MANBA: variants seen among roughly 807,000 people sequenced by gnomAD.
MANBA encodes mannosidase beta, also known as beta-mannosidase.
A neutral mutation model predicts 111.1 loss-of-function variants in MANBA; 83 were observed. The observed-to-expected ratio is 0.75, with a 90% CI of 0.63 to 0.90. The LOEUF is 0.90. Ranked by LOEUF, MANBA falls within the 40% of genes least tolerant of loss-of-function variation. The pLI is 0.00. For synonymous variants in MANBA, 370 were observed against 378.7 expected, an observed-to-expected ratio of 0.98 and a Z score of 0.27; for missense variants, 1,036 against 1,069.0, an observed-to-expected ratio of 0.97 and a Z score of 0.43.
intron 7 of MANBA, among the ~76,000 whole-genome samples, chr4:102,686,842 C>A (rs1219653218): frequency 6.6e-6 from 1 of 152,122 alleles, no homozygotes; most frequent in Non-Finnish European, 1.5e-5. Flanking sequence ...CTGTGCCATC[C>A]CTGAGGTATT....
chr4:102,760,687 A>C, intron 1 of MANBA, 31 bp downstream of exon 1: 1 of 1,508,618 alleles, frequency 6.6e-7, no homozygotes, highest in Non-Finnish European at 8.9e-7. Context: ...AGGCGGGCGC[A>C]GGCTCGCCGC....
chr4:102,684,106 G>GT (rs1732102071), intron 7 of MANBA, among the ~76,000 whole-genome samples: 1 of 146,808 alleles, frequency 6.8e-6, no homozygotes, highest in Non-Finnish European at 1.5e-5. Flanking sequence ...GATATACTCA[G>GT]TTAAAAAAAA....
At chr4:102,677,120 C>G (rs1731762399) in intron 7 of MANBA, among the ~76,000 whole-genome samples, 1 of 152,036 alleles carries the variant, frequency 6.6e-6, no homozygotes, top group Admixed American at 6.5e-5. Context: ...GCTGAATTGG[C>G]CTTGTTCACG....
rs528611117 is a variant in MANBA at position 102,692,793 on chromosome 4, C to T, written c.674-2022G>A. 3.4e-4 allele frequency among the ~76,000 whole-genome samples: 52 copies of T among 151,788 alleles called. No individual in the cohort carries two copies. The South Asian group carries it at 0.01, about 30-fold the overall frequency. The stretch of plus-strand genomic sequence containing the variant: ...GGAAGGGGAGGGGGAAGGCTACTAG[C>T]TGAGAAGTATCTTAGAGACCTTTCT... On this transcript the variant is annotated intron_variant, in intron 5 of 16. Transcript: ENST00000647097.
intron 5 of MANBA, among the ~76,000 whole-genome samples, chr4:102,707,174 G>T (rs1201200336): frequency 6.6e-6 from 1 of 152,092 alleles, no homozygotes; most frequent in Non-Finnish European, 1.5e-5. Context: ...TCTAAAATCA[G>T]CAAGAGAAAA....
chr4:102,639,898 A>G (rs1263458200), intron 13 of MANBA, 41 bp from the exon 14 acceptor site: 1 of 1,608,700 alleles, frequency 6.2e-7, no homozygotes, highest in African/African-American at 1.3e-5. Flanking sequence ...TTATTGTTTG[A>G]TGTAGACTGC....
At chr4:102,700,935 ATCTG>A (rs1271362178) in intron 5 of MANBA, among the ~76,000 whole-genome samples, 31 of 152,040 alleles carry the variant, frequency 2.0e-4, no homozygotes, top group African/African-American at 6.3e-4. Flanking sequence ...TGTCTCGTTG[ATCTG>A]TCTAATGTTG....
chr4:102,636,634 A>G (rs529943925), intron 14 of MANBA, among the ~76,000 whole-genome samples: 10 of 152,318 alleles, frequency 6.6e-5, no homozygotes, highest in Middle Eastern at 3.4e-3. Flanking sequence ...GAGCCAATCA[A>G]CATGGGGCTG....
Position 102,639,786 on chromosome 4 carries a change from C to A in MANBA, c.1941G>T (p.Gln647His). Residue 647 changes from glutamine to histidine, a missense_variant, in exon 14 of 17, where the codon CAG (glutamine) becomes CAT (histidine). By Grantham distance (24) the Gln-to-His change is conservative (BLOSUM62 0). Transcript: ENST00000647097. ...AAAGTGCCCCCATCGTGTGCCCTTGCTGATCCACTATCTCGCTGCGACTAC... is the reference window on the plus strand; with the variant it reads ...AAAGTGCCCCCATCGTGTGCCCTTGATGATCCACTATCTCGCTGCGACTAC... ...YRRSRSEIVD[Q>H]QGHTMGALYW... is the part of the protein sequence containing the mutation. The A allele has an allele frequency of 6.2e-7, 1 of 1,614,138 alleles. No individual in the cohort carries two copies. The highest frequency in any genetic ancestry group is 8.5e-7 in the Non-Finnish European group (1 of 1,180,000).
chr4:102,690,449 T>C (rs1732421431), intron 6 of MANBA, 147 bp downstream of exon 6: 2 of 684,764 alleles, frequency 2.9e-6, no homozygotes, highest in Non-Finnish European at 5.0e-6. Context: ...ACAGAAAATA[T>C]ATGAGAGACT....
chr4:102,670,154 C>CAAAAA lies in MANBA; in HGVS notation c.1231-1110_1231-1106dup, dbSNP rs70937560. On this transcript the variant is annotated intron_variant, in intron 9 of 16. Coordinates refer to ENST00000647097, the MANE Select transcript of MANBA (RefSeq NM_005908.4). Reference sequence around the variant, plus strand: ...TAGGCAACAGAGCCAGACTCCATATCAAAAAAAAAAAAAAAAAAAAAAAGA... The same window carrying CAAAAA: ...TAGGCAACAGAGCCAGACTCCATATCAAAAAAAAAAAAAAAAAAAAAAAAAAAAGA... Among the ~76,000 whole-genome samples the CAAAAA allele has an allele frequency of 5.4e-3, 577 of 107,744 alleles. 16 individuals carry two copies. The highest frequency in any genetic ancestry group is 0.021 in the African/African-American group (487 of 23,542). The allele number at this position is 107,744 out of a possible 152,430, so 70.7% of individuals were successfully genotyped here. A position where few individuals can be genotyped will look rare whatever the true frequency, so the allele number is the denominator to read the frequency against.
chr4:102,758,915 G>A (rs1205717018), intron 1 of MANBA, among the ~76,000 whole-genome samples: 1 of 152,050 alleles, frequency 6.6e-6, no homozygotes, highest in Non-Finnish European at 1.5e-5. Context: ...ATGGCCACCT[G>A]ATTGAAACCT....
intron 5 of MANBA, among the ~76,000 whole-genome samples, chr4:102,702,622 C>A (rs1442549342): frequency 1.3e-5 from 2 of 152,080 alleles, no homozygotes; most frequent in African/African-American, 2.4e-5. Flanking sequence ...TAGAGGTCCA[C>A]TCCAGACCCT....
chr4:102,704,771 A>G (rs1016725033), intron 5 of MANBA, among the ~76,000 whole-genome samples: 1 of 152,164 alleles, frequency 6.6e-6, no homozygotes, highest in African/African-American at 2.4e-5. Context: ...CTAAAGGTAG[A>G]ACTCTTTTAA....
intron 16 of MANBA, chr4:102,633,394 C>T: frequency 2.5e-6 from 1 of 398,618 alleles, no homozygotes; most frequent in Non-Finnish European, 4.4e-6. Flanking sequence ...TGGTGTCATG[C>T]TTATGCTGGT....
intron 11 of MANBA, among the ~76,000 whole-genome samples, chr4:102,659,807 T>C: frequency 6.6e-6 from 1 of 152,168 alleles, no homozygotes; most frequent in East Asian, 1.9e-4. Flanking sequence ...AATGACCCTA[T>C]TTACCACCTA....
chr4:102,636,192 C>T (rs911125442), intron 14 of MANBA, among the ~76,000 whole-genome samples, 185 bp from the exon 15 acceptor site: 1 of 152,160 alleles, frequency 6.6e-6, no homozygotes, highest in South Asian at 2.1e-4. Flanking sequence ...GTCATGTCAC[C>T]CTCACAACAT....
intron 11 of MANBA, among the ~76,000 whole-genome samples, chr4:102,660,910 T>C (rs1434562533): frequency 1.3e-5 from 2 of 151,984 alleles, no homozygotes; most frequent in Non-Finnish European, 2.9e-5. Flanking sequence ...TAATCTTCCA[T>C]AAACATGGAC....
chr4:102,707,066 A>T (rs1405570934), intron 5 of MANBA, among the ~76,000 whole-genome samples: 3 of 152,184 alleles, frequency 2.0e-5, no homozygotes, highest in Non-Finnish European at 2.9e-5. Flanking sequence ...ATATCTAGAT[A>T]AAAAAATCTC....
Sources: allele counts gnomAD v4.1 joint callset (sites outside exome capture counted in the v4.1 genomes callset), GRCh38; gene constraint gnomAD v4.1.1; transcripts MANE v1.5; gene names NCBI Gene and HGNC (gene_info 2026-07-23, HGNC 2026-07-21).